The following RPTOR variants were observed in gnomAD, a reference collection of about 807,000 sequenced individuals.
RPTOR encodes regulatory-associated protein of mTOR.
Under a neutral mutation model 169.9 loss-of-function variants are expected in RPTOR, and 21 were observed. That is an observed-to-expected ratio of 0.12 (90% CI 0.09 to 0.18). The LOEUF (loss-of-function observed/expected upper bound fraction) is 0.18, where lower values mean the gene tolerates loss of function less well. Among genes scored for constraint, RPTOR ranks in the 10% least tolerant of loss-of-function variants. The probability of loss-of-function intolerance (pLI) is 1.00; values close to 1 mark genes in which losing one functional copy is unlikely to be tolerated. For synonymous variants in RPTOR, 732 were observed against 753.2 expected, an observed-to-expected ratio of 0.97 and a Z score of 0.46; for missense variants, 1,133 against 1,855.9, an observed-to-expected ratio of 0.61 and a Z score of 7.16.
rs2143094553 is a variant in RPTOR, at chr17:80,708,006, G to A, written c.507+7G>A. On this transcript the variant is annotated splice_region_variant and intron_variant, in intron 4 of 33. Transcript: ENST00000306801. This position sits in a 1 kb window ranked among gnomAD's most constrained non-coding sequence, Gnocchi z 4.2. ...GGTCTGGGTCTTCAACAAGGTGGGT[G>A]TGCCTTCCAGCTTCCTTCCCGTTTC... 1 of 1,609,488 alleles carries A rather than the reference G, an allele frequency of 6.2e-7. No individual in the cohort carries two copies. The highest frequency in any genetic ancestry group is 8.5e-7 in the Non-Finnish European group (1 of 1,177,886).
intron 13 of RPTOR, among the ~76,000 whole-genome samples, chr17:80,879,440 C>T (rs1422847562): frequency 6.6e-6 from 1 of 150,476 alleles, no homozygotes; most frequent in Non-Finnish European, 1.5e-5. Context: ...TCTCCTCCCA[C>T]TCCCACATCC....
chr17:80,596,738 ACCTTTT>A (rs1211627364), intron 1 of RPTOR, among the ~76,000 whole-genome samples: 3 of 152,044 alleles, frequency 2.0e-5, no homozygotes, highest in African/African-American at 7.2e-5. Flanking sequence ...ATAAAATAAC[ACCTTTT>A]TCTCTTATTT....
intron 1 of RPTOR, among the ~76,000 whole-genome samples, chr17:80,566,384 A>T (rs2064840647): frequency 6.6e-6 from 1 of 152,226 alleles, no homozygotes; most frequent in African/African-American, 2.4e-5. Context: ...AACAAGGCAC[A>T]GAACAGATTT....
At chr17:80,805,065 C>A (rs577184307) in intron 7 of RPTOR, 1 of 152,246 alleles carries the variant, frequency 6.6e-6, no homozygotes, top group South Asian at 2.1e-4. Context: ...ACTGTCTTTC[C>A]TAGGGTGTTT....
intron 9 of RPTOR, among the ~76,000 whole-genome samples, chr17:80,829,667 G>A (rs1270612730): frequency 6.6e-6 from 1 of 152,188 alleles, no homozygotes; most frequent in Non-Finnish European, 1.5e-5. Context: ...CGCGTGCATG[G>A]AGAGGGCGGC....
chr17:80,667,228 A>G (rs1305923844), intron 3 of RPTOR, among the ~76,000 whole-genome samples: 4 of 152,070 alleles, frequency 2.6e-5, no homozygotes, highest in African/African-American at 9.7e-5. Context: ...GAAGAGTTAG[A>G]CGGGTCTTGG....
In RPTOR at chr17:80,567,257, CACCATGCCCAACCTAT is replaced by C. The variant is rs550429591; in HGVS notation, c.162+21470_162+21485del. 2.8e-3 allele frequency among the ~76,000 whole-genome samples: 424 copies of C among 152,176 alleles called. 1 individual carries two copies. Among genetic ancestry groups the C allele is most frequent in the African/African-American group, 9.6e-3 (397 of 41,532 alleles). On this transcript the variant is annotated intron_variant, in intron 1 of 33. Transcript: ENST00000306801. Reference sequence around the variant, plus strand: ...AAGTACTGGGATTACAGGTGTGAGCCACCATGCCCAACCTATACCTTTTTGTTTTATTTTATTTTTT... The same window carrying C: ...AAGTACTGGGATTACAGGTGTGAGCCACCTTTTTGTTTTATTTTATTTTTT...
In RPTOR at chr17:80,564,071, T is replaced by C. The variant is rs1030986312; in HGVS notation, c.162+18280T>C. Among the ~76,000 whole-genome samples the C allele has an allele frequency of 2.4e-4, 37 of 152,054 alleles. 1 individual carries two copies. Among genetic ancestry groups the C allele is most frequent in the African/African-American group, 8.7e-4 (36 of 41,512 alleles). On this transcript the variant is annotated intron_variant, in intron 1 of 33. Coordinates refer to ENST00000306801, the MANE Select transcript of RPTOR (RefSeq NM_020761.3). The stretch of plus-strand genomic sequence containing the variant: ...GGAACATTCACATGTCTTTTCTTTT[T>C]TTTTTTTTGGAGACGGAGTCTCGCT...
chr17:80,874,982 T>C (rs2068090670), intron 13 of RPTOR, among the ~76,000 whole-genome samples: 1 of 152,352 alleles, frequency 6.6e-6, no homozygotes, highest in South Asian at 2.1e-4. Context: ...TGGTAGGGTA[T>C]TTGCGTGAAA....
At chr17:80,893,297 G>A (rs559898206) in intron 19 of RPTOR, among the ~76,000 whole-genome samples, 56 of 147,020 alleles carry the variant, frequency 3.8e-4, no homozygotes, top group East Asian at 6.1e-4. Flanking sequence ...TGTGTGCGCC[G>A]GGTGTGTGTG....
chr17:80,621,494 C>T (rs1160441886), intron 1 of RPTOR, among the ~76,000 whole-genome samples: 7 of 152,236 alleles, frequency 4.6e-5, no homozygotes, highest in African/African-American at 1.7e-4. Context: ...CTCCCCAGCC[C>T]CGAGACGCAG....
chr17:80,866,145 T>G (rs988546643), intron 13 of RPTOR, among the ~76,000 whole-genome samples: 14 of 149,456 alleles, frequency 9.4e-5, no homozygotes, highest in African/African-American at 3.4e-4. Flanking sequence ...AACAAAGATT[T>G]ATATAAAATA....
chr17:80,690,896 G>A (rs997612945), intron 3 of RPTOR, among the ~76,000 whole-genome samples: 8 of 152,184 alleles, frequency 5.3e-5, no homozygotes, highest in Non-Finnish European at 7.4e-5. Context: ...TCGGGCCCAA[G>A]TGATCCTCCC....
At chr17:80,739,614 G>A (rs962529296) in intron 5 of RPTOR, among the ~76,000 whole-genome samples, 18 of 152,104 alleles carry the variant, frequency 1.2e-4, no homozygotes, top group African/African-American at 4.1e-4. Context: ...ACAGCACAGC[G>A]TGTGTTCTTT....
At chr17:80,654,929 T>C (rs989414620) in intron 3 of RPTOR, among the ~76,000 whole-genome samples, 12 of 152,190 alleles carry the variant, frequency 7.9e-5, no homozygotes, top group African/African-American at 2.9e-4. Context: ...TCAGAAAAGA[T>C]AGTAAAGAAA....
intron 1 of RPTOR, among the ~76,000 whole-genome samples, chr17:80,567,015 G>C (rs2064850882): frequency 6.6e-6 from 1 of 151,356 alleles, no homozygotes; most frequent in Non-Finnish European, 1.5e-5. Context: ...CCATCACCCA[G>C]GCTGGAGTCC....
At chr17:80,723,700 C>T (rs1013329733) in intron 4 of RPTOR, among the ~76,000 whole-genome samples, 3 of 151,250 alleles carry the variant, frequency 2.0e-5, no homozygotes, top group African/African-American at 4.9e-5. Flanking sequence ...AGGCCCTCTC[C>T]GTGGACTTAG....
rs1279700712 is a variant in RPTOR at position 80,947,061 on chromosome 17, C to T, written c.3141-166C>T. On this transcript the variant is annotated intron_variant, in intron 26 of 33. Coordinates refer to ENST00000306801, the MANE Select transcript of RPTOR (RefSeq NM_020761.3). The surrounding 1 kb of genome is among the most constrained non-coding windows in gnomAD (Gnocchi z 4.4). The stretch of plus-strand genomic sequence containing the variant: ...TGAACTCCCAGGCTCCAACAGTCCT[C>T]CTGCTTCAGCCTCCCAAGTAGCTAG... Among the ~76,000 whole-genome samples the T allele has an allele frequency of 6.6e-6, 1 of 152,236 alleles. No individual in the cohort carries two copies. The highest frequency in any genetic ancestry group is 1.5e-5 in the Non-Finnish European group (1 of 68,034).
Position 80,964,404 on chromosome 17 carries a change from G to C in RPTOR, c.*74G>C, listed in dbSNP as rs3751936. ...AAGCTGTCACTCGCCGGGGCACGGG[G>C]CGTCGGCTGCTGCGGCCCCGCAGTG... On this transcript the variant is annotated 3_prime_UTR_variant, in exon 34 of 34. Transcript: ENST00000306801. 0.25 allele frequency: 362,640 copies of C among 1,476,034 alleles called. 46,411 individuals carry two copies. Among genetic ancestry groups the C allele is most frequent in the South Asian group, 0.28 (24,518 of 88,458 alleles). 91.4% of individuals were successfully genotyped at this position (1,476,034 alleles called of 1,614,324 possible).
Sources: gnomAD v4.1 joint callset for allele counts (sites outside exome capture counted in the v4.1 genomes callset) on GRCh38, gnomAD v4.1.1 for gene constraint, Gnocchi (gnomAD v3.1) non-coding constraint, MANE v1.5 for transcripts, NCBI Gene and HGNC (gene_info 2026-07-23, HGNC 2026-07-21) for gene names.